LTBP1: variants seen among roughly 807,000 people sequenced by gnomAD.
The protein encoded by LTBP1 is latent-transforming growth factor beta-binding protein 1.
A neutral mutation model predicts 207.6 loss-of-function variants in LTBP1; 129 were observed. That is an observed-to-expected ratio of 0.62 (90% CI 0.54 to 0.72). LTBP1 has a LOEUF of 0.72. Ranked by LOEUF, LTBP1 falls within the 30% of genes least tolerant of loss-of-function variation. The pLI is 0.00. For synonymous variants in LTBP1, 963 were observed against 833.7 expected, an observed-to-expected ratio of 1.16 and a Z score of -2.67; for missense variants, 2,281 against 2,217.2, an observed-to-expected ratio of 1.03 and a Z score of -0.58.
intron 3 of LTBP1, among the ~76,000 whole-genome samples, chr2:33,101,868 C>T (rs942873715): frequency 3.3e-4 from 50 of 152,108 alleles, no homozygotes; most frequent in African/African-American, 1.2e-3. Flanking sequence ...AAATAACTTA[C>T]TCAGTTCAAG....
At position 32,965,607 on chromosome 2, in the gene LTBP1, C is replaced by G. The variant is rs1030304548; in HGVS notation, c.565+16662C>G. Among the ~76,000 whole-genome samples the G allele has an allele frequency of 2.0e-5, 3 of 152,216 alleles. No homozygotes were observed. The East Asian group carries it at 5.8e-4, about 29-fold the overall frequency. On this transcript the variant is annotated intron_variant, in intron 2 of 33. Coordinates refer to ENST00000404816, the MANE Select transcript of LTBP1 (RefSeq NM_206943.4). ...AGTCTTTTCAGATTGGCTTCTTTCACTTAGTAATAGCCACTTAAAGTTCCT... is the reference window on the plus strand; with the variant it reads ...AGTCTTTTCAGATTGGCTTCTTTCAGTTAGTAATAGCCACTTAAAGTTCCT...
At chr2:33,081,551 G>A (rs1353646469) in intron 3 of LTBP1, among the ~76,000 whole-genome samples, 7 of 152,130 alleles carry the variant, frequency 4.6e-5, no homozygotes, top group Non-Finnish European at 7.4e-5. Flanking sequence ...GAAATCTCGG[G>A]CTCTGTAATG....
At chr2:33,225,441 C>T (rs2091377975) in intron 9 of LTBP1, among the ~76,000 whole-genome samples, 1 of 152,164 alleles carries the variant, frequency 6.6e-6, no homozygotes, top group South Asian at 2.1e-4. Context: ...CTGGGGAAGC[C>T]TCACAATCAT....
chr2:32,965,660 G>A (rs72789881), intron 2 of LTBP1, among the ~76,000 whole-genome samples: 16,295 of 152,198 alleles, frequency 0.11, 1,102 homozygotes, highest in Middle Eastern at 0.16. Flanking sequence ...TTGATAGCAC[G>A]TGTCTTTTTA....
At chr2:33,315,547 A>G (rs565078696) in intron 24 of LTBP1, among the ~76,000 whole-genome samples, 61 of 152,240 alleles carry the variant, frequency 4.0e-4, no homozygotes, top group Non-Finnish European at 7.9e-4. Context: ...GATAGGAGAC[A>G]TGTAGGAGAC....
chr2:33,060,512 TG>T (rs1252416775), intron 3 of LTBP1, among the ~76,000 whole-genome samples: 1 of 151,370 alleles, frequency 6.6e-6, no homozygotes, highest in Non-Finnish European at 1.5e-5. Context: ...GAAATCATCT[TG>T]GGGGGTGTGT....
intron 21 of LTBP1, 108 bp from the exon 22 acceptor site, chr2:33,301,414 C>G (rs2093986902): frequency 1.5e-6 from 2 of 1,304,676 alleles, no homozygotes; most frequent in Non-Finnish European, 2.1e-6. Flanking sequence ...ATGGTCATTA[C>G]TTGTATCAAC....
intron 18 of LTBP1, among the ~76,000 whole-genome samples, chr2:33,277,981 C>T (rs907603057): frequency 1.3e-5 from 2 of 151,408 alleles, no homozygotes; most frequent in African/African-American, 4.9e-5. Context: ...AGGTGACCGC[C>T]ACCATGCCCG....
Position 33,186,852 on chromosome 2 carries a change from T to A in LTBP1, c.1202-4T>A, listed in dbSNP as rs906866184. 3 of 1,610,818 alleles carry A rather than the reference T, an allele frequency of 1.9e-6. No homozygotes were observed. The highest frequency in any genetic ancestry group is 2.5e-6 in the Non-Finnish European group (3 of 1,176,998). Reference sequence around the variant, plus strand: ...CTCTCCATGTTTTCTCTTTTCCCTTTTAGTAATTTGCCATCTTCCATGTAT... The same window carrying A: ...CTCTCCATGTTTTCTCTTTTCCCTTATAGTAATTTGCCATCTTCCATGTAT... On this transcript the variant is annotated splice_region_variant and splice_polypyrimidine_tract_variant and intron_variant, in intron 5 of 33. Coordinates refer to ENST00000404816, the MANE Select transcript of LTBP1 (RefSeq NM_206943.4).
At chr2:33,361,329 C>T (rs1574012546) in intron 27 of LTBP1, 100 bp from the exon 28 acceptor site, 1 of 651,608 alleles carries the variant, frequency 1.5e-6, no homozygotes, top group East Asian at 2.8e-5. Context: ...GCTGGAATTG[C>T]CTTAAAGTTA....
chr2:32,980,351 C>A (rs1248485666), intron 2 of LTBP1, among the ~76,000 whole-genome samples: 1 of 152,080 alleles, frequency 6.6e-6, no homozygotes, highest in South Asian at 2.1e-4. Context: ...AACTATGAGG[C>A]TTGCAGATAC....
chr2:33,123,330 G>A (rs1474794439), intron 4 of LTBP1, among the ~76,000 whole-genome samples: 1 of 152,058 alleles, frequency 6.6e-6, no homozygotes, highest in Non-Finnish European at 1.5e-5. Context: ...CAGTGAGTGT[G>A]GATTGGGAAA....
chr2:33,131,896 A>G (rs1277602968), intron 4 of LTBP1, among the ~76,000 whole-genome samples: 2 of 152,196 alleles, frequency 1.3e-5, no homozygotes, highest in Non-Finnish European at 2.9e-5. Flanking sequence ...GGCCCGGAGA[A>G]TCTCCAGTGC....
At chr2:33,070,413 C>T (rs1413100167) in intron 3 of LTBP1, among the ~76,000 whole-genome samples, 1 of 152,174 alleles carries the variant, frequency 6.6e-6, no homozygotes, top group East Asian at 1.9e-4. Flanking sequence ...CGGTGGGTGG[C>T]TAGCCATGGC....
At chr2:33,383,937 G>A (rs2095243757) in intron 31 of LTBP1, among the ~76,000 whole-genome samples, 2 of 152,172 alleles carry the variant, frequency 1.3e-5, no homozygotes, top group Non-Finnish European at 2.9e-5. Context: ...TAGCCCTGAT[G>A]TGTGCAAAAC....
chr2:33,233,223 TTC>T (rs1193438131), intron 9 of LTBP1, among the ~76,000 whole-genome samples: 1 of 152,172 alleles, frequency 6.6e-6, no homozygotes, highest in African/African-American at 2.4e-5. Flanking sequence ...TGTCTTTTTA[TTC>T]TCTTTTTCGC....
chr2:33,066,704 A>G (rs1469352669), intron 3 of LTBP1, among the ~76,000 whole-genome samples: 1 of 152,228 alleles, frequency 6.6e-6, no homozygotes, highest in African/African-American at 2.4e-5. Flanking sequence ...AAAAGTTAGA[A>G]AATTTAAAAT....
At chr2:33,358,954 C>T (rs1031010359) in intron 26 of LTBP1, among the ~76,000 whole-genome samples, 4 of 152,180 alleles carry the variant, frequency 2.6e-5, no homozygotes, top group African/African-American at 9.7e-5. Flanking sequence ...TTTCAGTCCT[C>T]TGCACACTTG....
intron 2 of LTBP1, among the ~76,000 whole-genome samples, chr2:32,994,208 C>T (rs1572984988): frequency 6.6e-6 from 1 of 152,140 alleles, no homozygotes; most frequent in African/African-American, 2.4e-5. Context: ...TCCACCCACT[C>T]GAGTTAGCAA....
Sources: allele counts gnomAD v4.1 joint callset (sites outside exome capture counted in the v4.1 genomes callset), GRCh38; gene constraint gnomAD v4.1.1; transcripts MANE v1.5; gene names NCBI Gene and HGNC (gene_info 2026-07-23, HGNC 2026-07-21).